Variants in IL37 observed in about 807,000 individuals in gnomAD.
IL37 encodes the protein interleukin 37, also known as interleukin-37.
A neutral mutation model predicts 15.4 loss-of-function variants in IL37; 15 were observed. The observed-to-expected ratio is 0.98, with a 90% CI of 0.65 to 1.50. The LOEUF (loss-of-function observed/expected upper bound fraction) is 1.50. IL37 is among the 40% of genes most tolerant of loss of function. IL37 has a pLI of 0.00. For synonymous variants in IL37, 98 were observed against 97.4 expected (o/e 1.01, Z -0.03); for missense variants, 269 against 261.7 (o/e 1.03, Z -0.19).
chr2:112,916,592 C>A (rs1683316575), intron 3 of IL37, among the ~76,000 whole-genome samples: 1 of 152,186 alleles, frequency 6.6e-6, no homozygotes, highest in Non-Finnish European at 1.5e-5. Flanking sequence ...CCTCCCAACT[C>A]TTCCATCACC....
intron 3 of IL37, among the ~76,000 whole-genome samples, chr2:112,915,757 C>T (rs1683297323): frequency 2.0e-5 from 3 of 152,116 alleles, no homozygotes; most frequent in Admixed American, 6.5e-5. Context: ...TAGGATCTTG[C>T]CTGGGGCCAG....
chr2:112,915,745 C>T (rs1683297195), intron 3 of IL37, among the ~76,000 whole-genome samples: 1 of 152,236 alleles, frequency 6.6e-6, no homozygotes, highest in African/African-American at 2.4e-5. Context: ...TGGGGAGTTA[C>T]TTAGGATCTT....
At chr2:112,916,018 C>T (rs1175953625) in intron 3 of IL37, among the ~76,000 whole-genome samples, 4 of 151,796 alleles carry the variant, frequency 2.6e-5, no homozygotes, top group East Asian at 1.9e-4. Flanking sequence ...ACAGGAAAGC[C>T]GGTGTTACAG....
At chr2:112,912,226 C>T (rs1262114567) in intron 1 of IL37, among the ~76,000 whole-genome samples, 1 of 152,070 alleles carries the variant, frequency 6.6e-6, no homozygotes, top group Non-Finnish European at 1.5e-5. Flanking sequence ...CACTTCTGTC[C>T]TATGTTGGCC....
At chr2:112,914,131 C>T (rs1319206960) in intron 3 of IL37, among the ~76,000 whole-genome samples, 2 of 152,110 alleles carry the variant, frequency 1.3e-5, no homozygotes, top group African/African-American at 4.8e-5. Flanking sequence ...CCTCTTCTGA[C>T]CATAGCCAAG....
rs867985092 is a variant in IL37, at chr2:112,913,079, C to T, written c.67C>T (p.Gln23Ter). 5 of 1,564,706 alleles carry T rather than the reference C, an allele frequency of 3.2e-6. No individual in the cohort carries two copies. The highest frequency in any genetic ancestry group is 4.3e-6 in the Non-Finnish European group (5 of 1,161,330). ...TGAGGACTGGGAAAAAGATGAACCC[C>T]AGTGCTGCTTAGAAGGTAAGGTTCT... Reference protein sequence around the residue: ...GSEDWEKDEPQCCLEDPAGSP... With the variant: ...GSEDWEKDEP Residue 23 changes from glutamine to a stop codon, truncating the protein, a stop_gained, in exon 2 of 6, where the codon CAG becomes TAG. Coordinates refer to ENST00000263326, the MANE Select transcript of IL37 (RefSeq NM_014439.4). LOFTEE classifies it high-confidence loss of function.
chr2:112,916,412 G>A (rs1436679917), intron 3 of IL37, among the ~76,000 whole-genome samples: 1 of 152,158 alleles, frequency 6.6e-6, no homozygotes, highest in Non-Finnish European at 1.5e-5. Flanking sequence ...CAAATGAGTT[G>A]CTAGGAGCCC....
In IL37 at chr2:112,918,607, G is replaced by T. The variant is rs377488590; in HGVS notation, c.455G>T (p.Arg152Leu). 1.2e-6 allele frequency: 2 copies of T among 1,613,322 alleles called. No individual in the cohort carries two copies. Among genetic ancestry groups the T allele is most frequent in the South Asian group, 1.1e-5 (1 of 91,052 alleles). ...GCTGCCCAAAAGGAATCAGCACGCC[G>T]GCCCTTCATCTTTTATAGGGCTCAG... ...KLAAQKESAR[R>L]PFIFYRAQVG... Residue 152 changes from arginine (R) to leucine (L), a missense_variant, in exon 6 of 6, where the codon CGG (arginine) becomes CTG (leucine). By Grantham distance (102) the Arg-to-Leu change is moderately radical. Transcript: ENST00000263326.
At chr2:112,917,339 C>T (rs1683338803) in intron 4 of IL37, 91 bp downstream of exon 4, 1 of 1,423,674 alleles carries the variant, frequency 7.0e-7, no homozygotes, top group Non-Finnish European at 9.6e-7. Context: ...TATACCATGC[C>T]CCATCTCCAG....
At chr2:112,917,563 G>A in intron 4 of IL37, 72 bp from the exon 5 acceptor site, 1 of 1,470,216 alleles carries the variant, frequency 6.8e-7, no homozygotes, top group Non-Finnish European at 9.1e-7. Flanking sequence ...CATCAGGCCT[G>A]AAACCCCAGC....
chr2:112,913,227 C>G (rs1422814408), intron 2 of IL37, 133 bp downstream of exon 2: 2 of 539,674 alleles, frequency 3.7e-6, no homozygotes, highest in Non-Finnish European at 6.4e-6. Context: ...TTTCCCTGGA[C>G]AAATAACTAG....
chr2:112,918,312 C>CAT (rs1558803409), intron 5 of IL37, among the ~76,000 whole-genome samples: 9 of 62,162 alleles, frequency 1.4e-4, no homozygotes, highest in East Asian at 5.3e-4. Flanking sequence ...CTGACTCTTA[C>CAT]GTCTCTCTCT....
At chr2:112,914,641 T>G (rs756306838) in intron 3 of IL37, among the ~76,000 whole-genome samples, 1 of 152,202 alleles carries the variant, frequency 6.6e-6, no homozygotes, top group Non-Finnish European at 1.5e-5. Context: ...TGCAGTTACC[T>G]TTGATGTTTT....
At position 112,917,860 on chromosome 2, in the gene IL37, C is replaced by A. The variant is rs1313729424; in HGVS notation, c.408+83C>A. 6 of 1,433,480 alleles carry A rather than the reference C, an allele frequency of 4.2e-6. No homozygotes were observed. In the African/African-American group the frequency reaches 8.4e-5, roughly 20 times the overall value. 88.8% of individuals were successfully genotyped at this position (1,433,480 alleles called of 1,614,324 possible). ...ATCCTCAATGCCTCTCGCTTTCCTG[C>A]AAATTCTTATCTTGGCCAATATAAC... On this transcript the variant is annotated intron_variant, in intron 5 of 5. Transcript: ENST00000263326.
chr2:112,912,013 G>A (rs548063089), intron 1 of IL37, among the ~76,000 whole-genome samples: 138 of 152,264 alleles, frequency 9.1e-4, no homozygotes, highest in African/African-American at 3.2e-3. Context: ...CGTCCTTATT[G>A]TTGAGTCCTG....
At chr2:112,912,350 CCCTAAGATATTAGGGATTGAGCCT>C (rs1354940140) in intron 1 of IL37, among the ~76,000 whole-genome samples, 3 of 152,150 alleles carry the variant, frequency 2.0e-5, no homozygotes, top group Admixed American at 1.3e-4. Flanking sequence ...GTCAATCCTA[CCCTAAGATATTAGGGATTGAGCCT>C]CCTGGGACAT....
In IL37 at chr2:112,912,943, T is replaced by C; in HGVS notation, c.-50-20T>C. On this transcript the variant is annotated intron_variant, in intron 1 of 5. Coordinates refer to ENST00000263326, the MANE Select transcript of IL37 (RefSeq NM_014439.4). ...TGGGGTGAGAAGATGCCATAACTGG[T>C]CCCCTTTCTATCTCCTTAGGTCTTG... 4.4e-6 allele frequency: 5 copies of C among 1,138,580 alleles called. No homozygotes were observed. The highest frequency in any genetic ancestry group is 5.1e-6 in the Non-Finnish European group (4 of 783,510). 70.5% of individuals were successfully genotyped at this position (1,138,580 alleles called of 1,614,324 possible). A position where few individuals can be genotyped will look rare whatever the true frequency, so the allele number is the denominator to read the frequency against.
intron 3 of IL37, 151 bp downstream of exon 3, chr2:112,914,005 G>A: frequency 4.6e-6 from 3 of 656,414 alleles, no homozygotes; most frequent in Non-Finnish European, 8.0e-6. Flanking sequence ...CTTTGTGGAA[G>A]CAAATCCCAT....
Position 112,911,327 on chromosome 2 carries a change from C to T in IL37, c.-51+79C>T, listed in dbSNP as rs186820018. ...AGAGTAGCATCTGGCCATCTAGACC[C>T]TTGCTTTTTATCCCCACTGGAAGCA... On this transcript the variant is annotated intron_variant, in intron 1 of 5. Transcript: ENST00000263326. 7.9e-5 allele frequency among the ~76,000 whole-genome samples: 12 copies of T among 152,298 alleles called. No individual in the cohort carries two copies. In the East Asian group the frequency reaches 2.3e-3, roughly 29 times the overall value.
Sources: gnomAD v4.1 joint callset for allele counts (sites outside exome capture counted in the v4.1 genomes callset) on GRCh38, gnomAD v4.1.1 for gene constraint, MANE v1.5 for transcripts, NCBI Gene and HGNC (gene_info 2026-07-23, HGNC 2026-07-21) for gene names.